Variants in POU6F2 observed in about 807,000 individuals in gnomAD.
POU6F2 encodes POU class 6 homeobox 2.
Under a neutral mutation model 71.3 loss-of-function variants are expected in POU6F2, and 31 were observed. That is an observed-to-expected ratio of 0.43 (90% confidence interval 0.33 to 0.59). POU6F2 has a LOEUF of 0.59. POU6F2 is among the 20% of genes least tolerant of loss of function. The probability of loss-of-function intolerance (pLI) is 0.04; values close to 1 mark genes in which losing one functional copy is unlikely to be tolerated. For missense variants in POU6F2, 783 were observed against 856.8 expected (o/e 0.91, Z 1.07); for synonymous variants, 347 against 355.7 (o/e 0.98, Z 0.27).
At chr7:39,177,757 G>A (rs1793358383) in intron 2 of POU6F2, among the ~76,000 whole-genome samples, 2 of 152,132 alleles carry the variant, frequency 1.3e-5, no homozygotes, top group Admixed American at 1.3e-4. Context: ...GTTAGGAGGT[G>A]TCTCATAATC....
intron 4 of POU6F2, among the ~76,000 whole-genome samples, chr7:39,286,846 T>C (rs1412143182): frequency 6.6e-6 from 1 of 152,046 alleles, no homozygotes; most frequent in Admixed American, 6.6e-5. Context: ...CACTGCAGCC[T>C]CAAACTCCTG....
At chr7:39,377,351 G>A (rs1415235481) in intron 5 of POU6F2, among the ~76,000 whole-genome samples, 1 of 152,010 alleles carries the variant, frequency 6.6e-6, no homozygotes, top group Non-Finnish European at 1.5e-5. Flanking sequence ...GGCTGGTCTT[G>A]AACTCCTGAC....
intron 2 of POU6F2, among the ~76,000 whole-genome samples, chr7:39,149,663 C>A (rs1474683987): frequency 6.6e-6 from 1 of 152,166 alleles, no homozygotes; most frequent in Non-Finnish European, 1.5e-5. Context: ...TGAACCACAT[C>A]TCCCCATTTC....
At chr7:39,226,809 TC>T (rs1452679384) in intron 4 of POU6F2, among the ~76,000 whole-genome samples, 2 of 152,192 alleles carry the variant, frequency 1.3e-5, no homozygotes, top group African/African-American at 2.4e-5. Flanking sequence ...CCAAGACTCT[TC>T]CTTTTCTGTT....
In POU6F2 at chr7:39,466,090, G is replaced by A. The variant is rs1419241443; in HGVS notation, c.*1404G>A. On this transcript the variant is annotated 3_prime_UTR_variant, in exon 10 of 10. Transcript: ENST00000518318. ...CAATAGCGATGGCAGACTTTTTTCA[G>A]GGGGAATAATTACTCTTCGGGATAT... is the stretch of plus-strand genomic sequence containing the variant. The A allele has an allele frequency of 3.3e-5, 5 of 152,138 alleles. No individual in the cohort carries two copies. 9.4% of individuals were successfully genotyped at this position (152,138 alleles called of 1,614,324 possible).
rs1233409041 is a variant in POU6F2, at chr7:39,010,517, A to T, written c.105+32459A>T. Among the ~76,000 whole-genome samples the T allele has an allele frequency of 4.7e-5, 7 of 150,106 alleles. No individual in the cohort carries two copies. The South Asian group carries it at 1.5e-3, about 32-fold the overall frequency. Reference sequence around the variant, plus strand: ...TTTTTGAAGGGTTTTTTGTGTCTCTATTTCCTTCAGTTGTGCTCTGATTTT... The same window carrying T: ...TTTTTGAAGGGTTTTTTGTGTCTCTTTTTCCTTCAGTTGTGCTCTGATTTT... On this transcript the variant is annotated intron_variant, in intron 1 of 9. Transcript: ENST00000518318.
Position 39,086,002 on chromosome 7 carries a change from A to G in POU6F2, c.248A>G (p.Asp83Gly). 6.2e-7 allele frequency: 1 copy of G among 1,613,724 alleles called. No individual in the cohort carries two copies. The highest frequency in any genetic ancestry group is 1.7e-5 in the Admixed American group (1 of 59,978). ...CTGCTTGCGCCTGTGGAATCAAATG[A>G]CAGCGAGGACACTCCCAGCAAGCTC... Reference protein sequence around the residue: ...EPLLAPVESNDSEDTPSKLFG... With the variant: ...EPLLAPVESNGSEDTPSKLFG... The change falls in exon 2 of 10, where the codon GAC becomes GGC. Residue 83 changes from aspartate to glycine, a missense_variant. Coordinates refer to ENST00000518318, the MANE Select transcript of POU6F2 (RefSeq NM_001370959.1).
chr7:39,224,840 G>A (rs1794431996), intron 4 of POU6F2, among the ~76,000 whole-genome samples: 1 of 152,122 alleles, frequency 6.6e-6, no homozygotes, highest in South Asian at 2.1e-4. Flanking sequence ...ATTCTGGAGG[G>A]CCCCTCAGCA....
chr7:39,063,902 A>AAG (rs1790705664), intron 1 of POU6F2, among the ~76,000 whole-genome samples: 1 of 152,164 alleles, frequency 6.6e-6, no homozygotes, highest in Non-Finnish European at 1.5e-5. Flanking sequence ...AATATAACAA[A>AAG]TTTAGTTAGT....
At chr7:39,240,838 C>T (rs939175338) in intron 4 of POU6F2, among the ~76,000 whole-genome samples, 5 of 152,060 alleles carry the variant, frequency 3.3e-5, no homozygotes, top group Admixed American at 6.6e-5. Flanking sequence ...TACAGAAAAT[C>T]GCAGCTCAAA....
intron 5 of POU6F2, among the ~76,000 whole-genome samples, 156 bp downstream of exon 5, chr7:39,340,171 C>T (rs1785884614): frequency 6.6e-6 from 1 of 152,162 alleles, no homozygotes; most frequent in Non-Finnish European, 1.5e-5. Context: ...GAAGAAGAAG[C>T]AACTAGAAGG....
intron 6 of POU6F2, among the ~76,000 whole-genome samples, chr7:39,414,698 C>T (rs1261723413): frequency 7.0e-6 from 1 of 142,312 alleles, no homozygotes; most frequent in Non-Finnish European, 1.5e-5. Flanking sequence ...CCCCGCCCTC[C>T]ATCCTTCTAC....
chr7:39,382,859 GCA>G (rs1463179462), intron 5 of POU6F2, among the ~76,000 whole-genome samples: 3 of 152,156 alleles, frequency 2.0e-5, no homozygotes, highest in Admixed American at 2.0e-4. Flanking sequence ...AGAGAGCCAG[GCA>G]GGTCACACTA....
At chr7:39,009,337 T>C (rs1234511690) in intron 1 of POU6F2, among the ~76,000 whole-genome samples, 1 of 152,052 alleles carries the variant, frequency 6.6e-6, no homozygotes, top group African/African-American at 2.4e-5. Flanking sequence ...CTGTTGTTGG[T>C]GTATAAGAAT....
At chr7:39,396,124 T>C (rs1381908311) in intron 5 of POU6F2, among the ~76,000 whole-genome samples, 1 of 152,174 alleles carries the variant, frequency 6.6e-6, no homozygotes, top group Non-Finnish European at 1.5e-5. Flanking sequence ...GGAAATGAGA[T>C]GTGTAGGCTT....
At chr7:39,143,028 G>T (rs1415170847) in intron 2 of POU6F2, among the ~76,000 whole-genome samples, 1 of 152,206 alleles carries the variant, frequency 6.6e-6, no homozygotes, top group Non-Finnish European at 1.5e-5. Flanking sequence ...AACAAAACTA[G>T]TATAAACCCC....
At chr7:39,367,497 A>G (rs1218464244) in intron 5 of POU6F2, among the ~76,000 whole-genome samples, 3 of 152,234 alleles carry the variant, frequency 2.0e-5, no homozygotes, top group African/African-American at 4.8e-5. Flanking sequence ...TTTTAGTACT[A>G]GCACTATAAA....
chr7:39,452,223 A>C (rs1788678924), intron 8 of POU6F2, among the ~76,000 whole-genome samples: 1 of 152,222 alleles, frequency 6.6e-6, no homozygotes. Flanking sequence ...CATGGGCCGG[A>C]ATCAGATGAG....
chr7:39,345,730 C>T (rs536695410), intron 5 of POU6F2, among the ~76,000 whole-genome samples: 1 of 152,322 alleles, frequency 6.6e-6, no homozygotes, highest in Admixed American at 6.5e-5. Flanking sequence ...ATGGGGTAGG[C>T]AAGGTTTCCT....
Sources: gnomAD v4.1 joint callset for allele counts (sites outside exome capture counted in the v4.1 genomes callset) on GRCh38, gnomAD v4.1.1 for gene constraint, MANE v1.5 for transcripts, NCBI Gene and HGNC (gene_info 2026-07-23, HGNC 2026-07-21) for gene names.